Variants in GDPD5 observed in about 807,000 individuals in gnomAD.
GDPD5 encodes the protein glycerophosphodiester phosphodiesterase 2.
A neutral mutation model predicts 75.1 loss-of-function variants in GDPD5; 48 were observed. That is an observed-to-expected ratio of 0.64 (90% CI 0.51 to 0.81). The LOEUF (loss-of-function observed/expected upper bound fraction) is 0.81. GDPD5 is among the 40% of genes least tolerant of loss of function. GDPD5 has a pLI of 0.00. For synonymous variants in GDPD5, 336 were observed against 339.0 expected (o/e 0.99, Z 0.10); for missense variants, 706 against 822.6 (o/e 0.86, Z 1.73).
At chr11:75,467,114 C>T (rs1949532756) in intron 3 of GDPD5, among the ~76,000 whole-genome samples, 1 of 152,204 alleles carries the variant, frequency 6.6e-6, no homozygotes, top group South Asian at 2.1e-4. Context: ...CCTGCACAGA[C>T]TCTTGGCACC....
At chr11:75,457,220 G>A (rs920078333) in intron 5 of GDPD5, among the ~76,000 whole-genome samples, 2 of 152,208 alleles carry the variant, frequency 1.3e-5, no homozygotes, top group African/African-American at 2.4e-5. Flanking sequence ...GTGGAATATC[G>A]GGAGCAAGAG....
chr11:75,523,480 T>A (rs1353985317), intron 1 of GDPD5, among the ~76,000 whole-genome samples: 2 of 152,172 alleles, frequency 1.3e-5, no homozygotes, highest in Non-Finnish European at 2.9e-5. Context: ...CTCCCCAGTC[T>A]TGGCAAGTAC....
intron 10 of GDPD5, 96 bp from the exon 11 acceptor site, chr11:75,443,382 C>A: frequency 1.4e-6 from 2 of 1,411,096 alleles, no homozygotes; most frequent in Non-Finnish European, 9.6e-7. Flanking sequence ...CCACCCAGCA[C>A]AGGATCCCGG....
intron 6 of GDPD5, among the ~76,000 whole-genome samples, chr11:75,454,205 T>C (rs911324313): frequency 2.0e-5 from 3 of 152,094 alleles, no homozygotes; most frequent in Admixed American, 6.5e-5. Flanking sequence ...GCAAAAGATA[T>C]GAAGAGACAG....
At chr11:75,447,619 T>C (rs1450274116) in intron 9 of GDPD5, among the ~76,000 whole-genome samples, 1 of 152,234 alleles carries the variant, frequency 6.6e-6, no homozygotes, top group Non-Finnish European at 1.5e-5. Context: ...TTGACCTTTT[T>C]CTACTAAAGA....
intron 1 of GDPD5, among the ~76,000 whole-genome samples, chr11:75,500,587 C>G (rs1370254023): frequency 6.6e-6 from 1 of 152,156 alleles, no homozygotes; most frequent in East Asian, 1.9e-4. Context: ...TTGGCAGTAT[C>G]ATCCACCCCA....
At position 75,449,910 on chromosome 11, in the gene GDPD5, C is replaced by A; in HGVS notation, c.449G>T (p.Trp150Leu). ...SAVAQLWEDE[W>L]EVLLISLQGT... ...CTGCAGGGAGATCAGCAGCACCTCC[C>A]ACTCGTCCTCCCACAGCTGGGCCAC... Residue 150 changes from tryptophan to leucine, a missense_variant, in exon 7 of 17, where the codon TGG (tryptophan) becomes TTG (leucine). Transcript: ENST00000336898. 6.2e-7 allele frequency: 1 copy of A among 1,613,800 alleles called. No homozygotes were observed. Among genetic ancestry groups the A allele is most frequent in the Admixed American group, 1.7e-5 (1 of 60,034 alleles).
chr11:75,471,568 A>G (rs1421336852), intron 3 of GDPD5, among the ~76,000 whole-genome samples: 1 of 152,192 alleles, frequency 6.6e-6, no homozygotes, highest in Non-Finnish European at 1.5e-5. Context: ...CATGAGCAGA[A>G]GGGCTGAGGG....
rs1337403909 is a variant in GDPD5, at chr11:75,449,083, A to C, written c.608T>G (p.Val203Gly). 1 of 1,604,546 alleles carries C rather than the reference A, an allele frequency of 6.2e-7. No homozygotes were observed. The highest frequency in any genetic ancestry group is 8.5e-7 in the Non-Finnish European group (1 of 1,176,236). Residue 203 changes from valine to glycine, a missense_variant, in exon 9 of 17, where the codon GTG becomes GGG. Transcript: ENST00000336898. ...VTILCTFFTV[V>G]FALYLAPLTI... ...GAGAGGGGCCAGGTAGAGGGCAAAC[A>C]CCACGGTGAAGAAGGTACAGAGAAT...
chr11:75,510,569 G>C (rs1950493034), intron 1 of GDPD5, among the ~76,000 whole-genome samples: 1 of 152,144 alleles, frequency 6.6e-6, no homozygotes, highest in African/African-American at 2.4e-5. Context: ...GGGTCCTCAT[G>C]ACACAGTGTC....
At chr11:75,473,053 C>A (rs927848282) in intron 3 of GDPD5, among the ~76,000 whole-genome samples, 1 of 151,846 alleles carries the variant, frequency 6.6e-6, no homozygotes, top group African/African-American at 2.4e-5. Context: ...AGGCCCAGTG[C>A]TGTGAAGGGT....
chr11:75,445,315 C>T lies in GDPD5; in HGVS notation c.715-820G>A, dbSNP rs1404039219. On this transcript the variant is annotated intron_variant, in intron 9 of 16. Transcript: ENST00000336898. ...CAGGTGCATGCCACCACACCCAGCT[C>T]TGGTTCTAGCCTTGACTCTGCCATT... Among the ~76,000 whole-genome samples, 6 of 152,306 alleles carry T rather than the reference C, an allele frequency of 3.9e-5. No individual in the cohort carries two copies. In the East Asian group the frequency reaches 1.2e-3, roughly 29 times the overall value.
chr11:75,441,537 C>T lies in GDPD5; in HGVS notation c.1325+109G>A, dbSNP rs867061434. 44 of 1,214,138 alleles carry T rather than the reference C, an allele frequency of 3.6e-5. No individual in the cohort carries two copies. In the Middle Eastern group the frequency reaches 2.7e-3, roughly 76 times the overall value. The allele number at this position is 1,214,138 out of a possible 1,614,324, so 75.2% of individuals were successfully genotyped here. On this transcript the variant is annotated intron_variant, in intron 13 of 16. Transcript: ENST00000336898. Reference sequence around the variant, plus strand: ...ATTCCTCTGTGTGCCCATCCCTCTGCCCGACCGTGTGTGTGTGTGTGTGTG... The same window carrying T: ...ATTCCTCTGTGTGCCCATCCCTCTGTCCGACCGTGTGTGTGTGTGTGTGTG...
intron 13 of GDPD5, 33 bp downstream of exon 13, chr11:75,441,613 C>A: frequency 6.6e-7 from 1 of 1,526,002 alleles, no homozygotes; most frequent in Admixed American, 2.0e-5. Context: ...CAGTCCCACC[C>A]TCTCCTGGAG....
chr11:75,441,379 T>C, intron 13 of GDPD5, 69 bp from the exon 14 acceptor site: 1 of 1,575,886 alleles, frequency 6.3e-7, no homozygotes, highest in Non-Finnish European at 8.7e-7. Context: ...TCGGGGCTGG[T>C]AAAGCACGTC....
chr11:75,463,294 C>A (rs1372244295), intron 3 of GDPD5, among the ~76,000 whole-genome samples: 2 of 152,226 alleles, frequency 1.3e-5, no homozygotes, highest in African/African-American at 2.4e-5. Flanking sequence ...ACCTCTACCC[C>A]GTGCTACCGA....
At chr11:75,456,859 G>A (rs369936706) in intron 5 of GDPD5, 43 bp from the exon 6 acceptor site, 71 of 1,596,974 alleles carry the variant, frequency 4.4e-5, no homozygotes, top group African/African-American at 3.9e-4. Flanking sequence ...CCGTGTGGGC[G>A]GGAAGGCTTT....
At chr11:75,463,152 T>C (rs1790145) in intron 3 of GDPD5, among the ~76,000 whole-genome samples, 89,477 of 152,094 alleles carry the variant, frequency 0.59, 27,200 homozygotes, top group East Asian at 0.79. Context: ...TTTACTGTGG[T>C]CTGCAGCCTT....
Position 75,449,003 on chromosome 11 carries a change from G to GAGC in GDPD5, c.685_687dup (p.Ala229dup). 6.3e-7 allele frequency: 1 copy of GAGC among 1,596,780 alleles called. No homozygotes were observed. ...ATGGGGGCCCCGCGGTGGCCAATGA[G>GAGC]AGCAGGCTTGGGGCCGAGGTCTTTC... On this transcript the variant is annotated inframe_insertion, in exon 9 of 17. Coordinates refer to ENST00000336898, the MANE Select transcript of GDPD5 (RefSeq NM_030792.8).
Sources: allele counts gnomAD v4.1 joint callset (sites outside exome capture counted in the v4.1 genomes callset), GRCh38; gene constraint gnomAD v4.1.1; transcripts MANE v1.5; gene names NCBI Gene and HGNC (gene_info 2026-07-23, HGNC 2026-07-21).